Variants in OR2V1 observed in about 807,000 individuals in gnomAD.
OR2V1 encodes the protein olfactory receptor 2V1.
In OR2V1, 18 loss-of-function variants were observed where a neutral mutation model predicts 15.0. The ratio of observed to expected loss-of-function variants is 1.20; its 90% CI spans 0.83 to 1.78. The LOEUF (loss-of-function observed/expected upper bound fraction) is 1.78, where lower values mean the gene tolerates loss of function less well. Ranked by LOEUF, OR2V1 falls within the 40% of genes most tolerant of loss-of-function variation. OR2V1 has a pLI of 0.00. For synonymous variants in OR2V1, 144 were observed against 146.1 expected (o/e 0.99, Z 0.10); for missense variants, 359 against 392.9 (o/e 0.91, Z 0.73).
chr5:181,124,700 G>A lies in OR2V1; in HGVS notation c.605C>T (p.Ala202Val). Residue 202 changes from alanine to valine, a missense_variant, in exon 4 of 4, where the codon GCT becomes GTT. Coordinates refer to ENST00000641551, the MANE Select transcript of OR2V1 (RefSeq NM_001258283.2). ...DTSLFDTLLF[A>V]CCVFMLLLPF... ...AAGGAGAAGCATGAAGACACAGCAA[G>A]CAAAGAGGAGGGTGTCAAAAAGGGA... The A allele has an allele frequency of 6.2e-7, 1 of 1,612,506 alleles. No homozygotes were observed. The highest frequency in any genetic ancestry group is 8.5e-7 in the Non-Finnish European group (1 of 1,179,964).
At position 181,124,020 on chromosome 5, in the gene OR2V1, A is replaced by G. The variant is rs1762835093; in HGVS notation, c.*337T>C. On this transcript the variant is annotated 3_prime_UTR_variant, in exon 4 of 4. Transcript: ENST00000641551. ...ACTAAAGGGCAGAAAAACACAAAAA[A>G]TAAAATAAAGAAAATAAAAAATAGA... is the stretch of plus-strand genomic sequence containing the variant. The G allele has an allele frequency of 4.9e-6, 1 of 202,984 alleles. No homozygotes were observed. The highest frequency in any genetic ancestry group is 9.7e-6 in the Non-Finnish European group (1 of 102,618). 12.6% of individuals were successfully genotyped at this position (202,984 alleles called of 1,614,324 possible).
chr5:181,128,267 C>A (rs535695071), intron 3 of OR2V1, among the ~76,000 whole-genome samples: 1 of 152,028 alleles, frequency 6.6e-6, no homozygotes, highest in Non-Finnish European at 1.5e-5. Flanking sequence ...GCAAAACATA[C>A]CCCCCAGCCA....
Position 181,123,287 on chromosome 5 carries a change from T to C in OR2V1, c.*1070A>G, listed in dbSNP as rs1333562818. ...TATCAGTTAATTTAGAAAGTTTATT[T>C]TGTCAAGGTTGAGGACGTGCACCCG... On this transcript the variant is annotated 3_prime_UTR_variant, in exon 4 of 4. Coordinates refer to ENST00000641551, the MANE Select transcript of OR2V1 (RefSeq NM_001258283.2). 6.6e-6 allele frequency: 1 copy of C among 152,236 alleles called. No homozygotes were observed. The highest frequency in any genetic ancestry group is 1.5e-5 in the Non-Finnish European group (1 of 68,054). The allele number at this position is 152,236 out of a possible 1,614,324, so 9.4% of individuals were successfully genotyped here.
In OR2V1 at chr5:181,128,858, C is replaced by T. The variant is rs180887223; in HGVS notation, c.-22+662G>A. Among the ~76,000 whole-genome samples the T allele has an allele frequency of 3.8e-3, 574 of 152,254 alleles. 2 individuals are homozygous for T. The highest frequency in any genetic ancestry group is 6.5e-3 in the Non-Finnish European group (440 of 68,030). On this transcript the variant is annotated intron_variant, in intron 3 of 3. Coordinates refer to ENST00000641551, the MANE Select transcript of OR2V1 (RefSeq NM_001258283.2). ...CGTGTTCCCCGGTGCCACGGGTGCT[C>T]GTGGTGGGATCCCTGGCTCCCGGAA... is the stretch of plus-strand genomic sequence containing the variant.
chr5:181,128,008 C>G (rs563564038), intron 3 of OR2V1, among the ~76,000 whole-genome samples: 2 of 152,104 alleles, frequency 1.3e-5, no homozygotes, highest in South Asian at 4.2e-4. Context: ...ACTCTTACAC[C>G]CACTGTGCAC....
chr5:181,129,478 T>TA (rs1344341513), intron 3 of OR2V1, 42 bp downstream of exon 3: 1 of 151,664 alleles, frequency 6.6e-6, no homozygotes, highest in Non-Finnish European at 1.5e-5. Context: ...ACCAGCAAAA[T>TA]ACACCAGATG....
intron 3 of OR2V1, among the ~76,000 whole-genome samples, chr5:181,126,672 A>T (rs753602465): frequency 3.3e-5 from 5 of 152,164 alleles, no homozygotes; most frequent in Non-Finnish European, 7.4e-5. Context: ...ATGGAAAGAT[A>T]TGCACAGACA....
intron 3 of OR2V1, 45 bp from the exon 4 acceptor site, chr5:181,125,370 T>C (rs1762860767): frequency 7.0e-7 from 1 of 1,433,580 alleles, no homozygotes; most frequent in Non-Finnish European, 9.5e-7. Flanking sequence ...CATGTCTCTA[T>C]TGTGCTCCAA....
intron 2 of OR2V1, 117 bp from the exon 3 acceptor site, chr5:181,129,692 GC>G (rs1762934837): frequency 6.5e-6 from 1 of 153,526 alleles, no homozygotes; most frequent in African/African-American, 2.4e-5. Context: ...TTAGTTAATG[GC>G]TTCACTTTTC....
At chr5:181,127,049 TG>T (rs547955123) in intron 3 of OR2V1, among the ~76,000 whole-genome samples, 64 of 152,360 alleles carry the variant, frequency 4.2e-4, no homozygotes, top group African/African-American at 1.5e-3. Flanking sequence ...ATGAAAACGC[TG>T]AATGTCTCGT....
rs761087750 is a variant in OR2V1 at position 181,125,125 on chromosome 5, C to T, written c.180G>A (p.Met60Ile). 5 of 1,614,148 alleles carry T rather than the reference C, an allele frequency of 3.1e-6. No individual in the cohort carries two copies. Among genetic ancestry groups the T allele is most frequent in the South Asian group, 1.1e-5 (1 of 91,080 alleles). ...IYLDAGLHTP[M>I]YFFLSQLSLM... Reference sequence around the variant, plus strand: ...GGGAGAGCTGGCTGAGGAAGAAGTACATGGGGGTGTGAAGTCCAGCGTCCA... The same window carrying T: ...GGGAGAGCTGGCTGAGGAAGAAGTATATGGGGGTGTGAAGTCCAGCGTCCA... Residue 60 changes from methionine (M) to isoleucine (I), a missense_variant, in exon 4 of 4, where the codon ATG becomes ATA. Transcript: ENST00000641551.
intron 2 of OR2V1, 95 bp from the exon 3 acceptor site, chr5:181,129,670 T>C (rs145398283): frequency 0.026 from 3,981 of 152,800 alleles, 71 homozygotes; most frequent in Middle Eastern, 0.085. Context: ...TTCAGACCTT[T>C]CCGTTGGGTG....
chr5:181,125,183 C>T lies in OR2V1; in HGVS notation c.122G>A (p.Cys41Tyr), dbSNP rs747785233. The T allele has an allele frequency of 4.3e-6, 7 of 1,614,018 alleles. No individual in the cohort carries two copies. In the African/African-American group the frequency reaches 5.3e-5, roughly 12 times the overall value. The change falls in exon 4 of 4, where the codon TGT becomes TAT. Residue 41 changes from cysteine (C) to tyrosine (Y), a missense_variant. By Grantham distance (194) the Cys-to-Tyr change is radical. Coordinates refer to ENST00000641551, the MANE Select transcript of OR2V1 (RefSeq NM_001258283.2). ...AVMVVFTVAL[C>Y]GNVLLIFLIY... ...GAGGAAGATGAGGAGGACATTCCCA[C>T]AGAGGGCCACTGTGAAGACCACCAT... is the stretch of plus-strand genomic sequence containing the variant.
At chr5:181,129,299 A>G (rs1182252654) in intron 3 of OR2V1, among the ~76,000 whole-genome samples, 2 of 152,060 alleles carry the variant, frequency 1.3e-5, no homozygotes, top group Non-Finnish European at 2.9e-5. Flanking sequence ...GTTACTTGGA[A>G]GACTGAGGCA....
rs770328253 is a variant in OR2V1 at position 181,125,330 on chromosome 5, G to A, written c.-21-5C>T. 2.5e-6 allele frequency: 4 copies of A among 1,583,740 alleles called. No individual in the cohort carries two copies. Among genetic ancestry groups the A allele is most frequent in the Middle Eastern group, 3.4e-4 (2 of 5,964 alleles). On this transcript the variant is annotated splice_polypyrimidine_tract_variant and splice_region_variant and intron_variant, in intron 3 of 3. Coordinates refer to ENST00000641551, the MANE Select transcript of OR2V1 (RefSeq NM_001258283.2). ...GGCTTAGTTGTTCACTGTCACCTGAGAACATAAGAGAAATTATAAGATTGA... is the reference window on the plus strand; with the variant it reads ...GGCTTAGTTGTTCACTGTCACCTGAAAACATAAGAGAAATTATAAGATTGA...
At chr5:181,125,714 G>A (rs1049394567) in intron 3 of OR2V1, among the ~76,000 whole-genome samples, 5 of 152,206 alleles carry the variant, frequency 3.3e-5, no homozygotes, top group Admixed American at 2.6e-4. Flanking sequence ...AGCTGGGCGC[G>A]GTGGCTCACG....
chr5:181,127,059 G>A (rs768400618), intron 3 of OR2V1, among the ~76,000 whole-genome samples: 6 of 152,170 alleles, frequency 3.9e-5, no homozygotes, highest in Non-Finnish European at 7.4e-5. Context: ...TGAATGTCTC[G>A]TTCTCCCAGG....
chr5:181,126,457 C>CAG (rs61186355), intron 3 of OR2V1, among the ~76,000 whole-genome samples: 25 of 126,116 alleles, frequency 2.0e-4, no homozygotes, highest in African/African-American at 5.3e-4. Context: ...CACACACACA[C>CAG]AGAGACACAC....
At chr5:181,125,433 T>TCCTGTCA in intron 3 of OR2V1, 108 bp from the exon 4 acceptor site, 2 of 797,524 alleles carry the variant, frequency 2.5e-6, no homozygotes, top group Non-Finnish European at 3.9e-6. Flanking sequence ...ACACTCGTAT[T>TCCTGTCA]CCTGTGACAC....
Sources: gnomAD v4.1 joint callset for allele counts (sites outside exome capture counted in the v4.1 genomes callset) on GRCh38, gnomAD v4.1.1 for gene constraint, MANE v1.5 for transcripts, NCBI Gene and HGNC (gene_info 2026-07-23, HGNC 2026-07-21) for gene names.